The following WWOX variants were observed in gnomAD, a reference collection of about 807,000 sequenced individuals.
WWOX encodes the protein WW domain containing oxidoreductase.
WWOX carries 69 observed loss-of-function variants against 46.2 expected under a neutral mutation model. The ratio of observed to expected loss-of-function variants is 1.49; its 90% confidence interval spans 1.23 to 1.82. The LOEUF (loss-of-function observed/expected upper bound fraction) is 1.82, where lower values mean the gene tolerates loss of function less well. Among genes scored for constraint, WWOX ranks in the 40% most tolerant of loss-of-function variants. The probability of loss-of-function intolerance (pLI) is 0.00; values close to 1 mark genes in which losing one functional copy is unlikely to be tolerated. For synonymous variants in WWOX, 359 were observed against 202.6 expected, an observed-to-expected ratio of 1.77 and a Z score of -6.56; for missense variants, 919 against 542.6, an observed-to-expected ratio of 1.69 and a Z score of -6.89.
At chr16:78,977,897 A>G (rs1259563371) in intron 8 of WWOX, among the ~76,000 whole-genome samples, 1 of 152,242 alleles carries the variant, frequency 6.6e-6, no homozygotes, top group Non-Finnish European at 1.5e-5. Flanking sequence ...AATTGAGGTG[A>G]AATTCACATA....
chr16:78,339,576 G>A (rs73576473), intron 5 of WWOX, among the ~76,000 whole-genome samples: 2,448 of 119,322 alleles, frequency 0.021, 589 homozygotes, highest in African/African-American at 0.067. Flanking sequence ...TGTTTTGTGG[G>A]AGCATGTCTT....
intron 8 of WWOX, among the ~76,000 whole-genome samples, chr16:78,802,940 AAACAAC>A (rs1326431960): frequency 0.014 from 1,335 of 92,686 alleles, 317 homozygotes; most frequent in Non-Finnish European, 0.022. Context: ...AAAAAAAAAA[AAACAAC>A]AAACAGAAAA....
chr16:78,766,125 C>T (rs1421957951), intron 8 of WWOX, among the ~76,000 whole-genome samples: 1 of 152,168 alleles, frequency 6.6e-6, no homozygotes, highest in Non-Finnish European at 1.5e-5. Flanking sequence ...CATACCGTCC[C>T]CTGATAGTCG....
chr16:78,335,225 C>T (rs1326533176), intron 5 of WWOX, among the ~76,000 whole-genome samples: 1 of 152,188 alleles, frequency 6.6e-6, no homozygotes, highest in Non-Finnish European at 1.5e-5. Flanking sequence ...CAGAGATCAA[C>T]TTATCACCTG....
At chr16:78,563,769 A>G (rs2738522) in intron 8 of WWOX, among the ~76,000 whole-genome samples, 3 of 152,144 alleles carry the variant, frequency 2.0e-5, no homozygotes, top group Non-Finnish European at 2.9e-5. Context: ...ATTAATATCT[A>G]TGGTTGATTG....
chr16:79,030,081 C>G (rs776404892), intron 8 of WWOX, among the ~76,000 whole-genome samples: 1 of 152,028 alleles, frequency 6.6e-6, no homozygotes, highest in African/African-American at 2.4e-5. Context: ...AGCATCTGCC[C>G]AAAAGATGCT....
intron 5 of WWOX, among the ~76,000 whole-genome samples, chr16:78,181,988 C>T (rs951418123): frequency 1.1e-4 from 17 of 152,108 alleles, no homozygotes; most frequent in Non-Finnish European, 1.6e-4. Context: ...GCTCCACTTA[C>T]GAAGGACTGC....
intron 5 of WWOX, among the ~76,000 whole-genome samples, chr16:78,287,809 A>T (rs973777359): frequency 1.3e-5 from 2 of 152,190 alleles, no homozygotes; most frequent in African/African-American, 4.8e-5. Flanking sequence ...AAATTTTTTT[A>T]AGATCAATTA....
At chr16:78,189,925 G>A (rs1054905317) in intron 5 of WWOX, among the ~76,000 whole-genome samples, 1 of 151,764 alleles carries the variant, frequency 6.6e-6, no homozygotes, top group Admixed American at 6.6e-5. Context: ...AAAGTGCTGG[G>A]ATTACAGGAA....
rs193253060 is a variant in WWOX, at chr16:78,169,380, C to T, written c.516+5091C>T. Among the ~76,000 whole-genome samples the T allele has an allele frequency of 8.7e-4, 132 of 151,896 alleles. 1 individual carries two copies. Among genetic ancestry groups the T allele is most frequent in the African/African-American group, 3.0e-3 (125 of 41,438 alleles). On this transcript the variant is annotated intron_variant, in intron 5 of 8. Coordinates refer to ENST00000566780, the MANE Select transcript of WWOX (RefSeq NM_016373.4). ...CTGCATTACCATGGTTTATTCTTTC[C>T]TTTACCCAGTATCTATTGGAGTTGG...
intron 8 of WWOX, among the ~76,000 whole-genome samples, chr16:78,942,566 C>A (rs1313246996): frequency 1.3e-5 from 2 of 151,744 alleles, no homozygotes; most frequent in African/African-American, 4.9e-5. Flanking sequence ...CACCAGAATA[C>A]ATTATTTCAG....
rs187428694 is a variant in WWOX, at chr16:78,386,429, G to A, written c.517-431G>A. On this transcript the variant is annotated intron_variant, in intron 5 of 8. Transcript: ENST00000566780. Reference sequence around the variant, plus strand: ...GAGTTGTCTTTGATTTTTGATGCAGGTTTAATGGAGATATTTCAGAACCTG... The same window carrying A: ...GAGTTGTCTTTGATTTTTGATGCAGATTTAATGGAGATATTTCAGAACCTG... Among the ~76,000 whole-genome samples, 5 of 152,266 alleles carry A rather than the reference G, an allele frequency of 3.3e-5. No individual in the cohort carries two copies. In the East Asian group the frequency reaches 7.7e-4, roughly 24 times the overall value.
chr16:78,925,368 C>T (rs1246395436), intron 8 of WWOX, among the ~76,000 whole-genome samples: 2 of 151,784 alleles, frequency 1.3e-5, no homozygotes, highest in Admixed American at 1.3e-4. Context: ...GGAGATCCAC[C>T]CTTCTCAGTT....
intron 8 of WWOX, among the ~76,000 whole-genome samples, chr16:78,522,344 A>T (rs1026709589): frequency 6.6e-6 from 1 of 152,044 alleles, no homozygotes; most frequent in Admixed American, 6.5e-5. Context: ...CACAACAAAA[A>T]CCTAATTCTT....
intron 8 of WWOX, among the ~76,000 whole-genome samples, chr16:78,827,015 C>G (rs762736819): frequency 1.3e-5 from 2 of 152,132 alleles, no homozygotes; most frequent in Admixed American, 6.5e-5. Context: ...CTCCCCGTGT[C>G]GCTTTCCTGC....
chr16:79,040,913 G>C (rs1305345244), intron 8 of WWOX, among the ~76,000 whole-genome samples: 1 of 152,100 alleles, frequency 6.6e-6, no homozygotes, highest in Non-Finnish European at 1.5e-5. Context: ...TTGCTCCTGG[G>C]TTGCAGGACG....
chr16:79,143,597 A>G (rs1786368756), intron 8 of WWOX, among the ~76,000 whole-genome samples: 1 of 152,242 alleles, frequency 6.6e-6, no homozygotes, highest in Non-Finnish European at 1.5e-5. Context: ...TAGGGATGAT[A>G]AAAATTATGA....
intron 4 of WWOX, chr16:78,123,476 GAGA>G (rs2033221205): frequency 5.9e-5 from 2 of 33,992 alleles, no homozygotes; most frequent in Non-Finnish European, 1.2e-4. Context: ...TTGTTTTTTT[GAGA>G]TGAAGTCTTC....
chr16:78,505,917 A>G (rs1444368349), intron 8 of WWOX, among the ~76,000 whole-genome samples: 1 of 152,080 alleles, frequency 6.6e-6, no homozygotes, highest in Non-Finnish European at 1.5e-5. Flanking sequence ...TGTGATTTGG[A>G]GAGAGAAGGA....
Sources: gnomAD v4.1 joint callset for allele counts (sites outside exome capture counted in the v4.1 genomes callset) on GRCh38, gnomAD v4.1.1 for gene constraint, MANE v1.5 for transcripts, NCBI Gene and HGNC (gene_info 2026-07-23, HGNC 2026-07-21) for gene names.